Variants in ZGRF1 observed in about 807,000 individuals in gnomAD.
ZGRF1 encodes 5'-3' DNA helicase ZGRF1.
A neutral mutation model predicts 203.5 loss-of-function variants in ZGRF1; 196 were observed. That is an observed-to-expected ratio of 0.96 (90% CI 0.86 to 1.08). The LOEUF is 1.08. ZGRF1 is among the 50% of genes least tolerant of loss of function. The pLI, the probability that ZGRF1 is intolerant of heterozygous loss-of-function variation, is 0.00. For missense variants in ZGRF1, 2,326 were observed against 2,416.3 expected (o/e 0.96, Z 0.78); for synonymous variants, 809 against 841.3 (o/e 0.96, Z 0.66).
intron 16 of ZGRF1, among the ~76,000 whole-genome samples, chr4:112,569,573 G>A (rs1743834632): frequency 6.6e-6 from 1 of 152,080 alleles, no homozygotes; most frequent in South Asian, 2.1e-4. Context: ...AGAACCAAGG[G>A]ATGTGGGTGC....
intron 15 of ZGRF1, among the ~76,000 whole-genome samples, chr4:112,582,740 G>A (rs974293197): frequency 3.9e-4 from 60 of 152,264 alleles, no homozygotes; most frequent in African/African-American, 1.4e-3. Context: ...GATTACAGGC[G>A]TGAGATCATG....
At chr4:112,598,001 C>CA (rs1392784730) in intron 10 of ZGRF1, among the ~76,000 whole-genome samples, 1 of 151,734 alleles carries the variant, frequency 6.6e-6, no homozygotes, top group Non-Finnish European at 1.5e-5. Flanking sequence ...AAACCATTTT[C>CA]AACATGCAAA....
intron 16 of ZGRF1, 41 bp from the exon 17 acceptor site, chr4:112,563,315 C>A (rs182036970): frequency 2.8e-6 from 4 of 1,444,432 alleles, no homozygotes; most frequent in Non-Finnish European, 3.8e-6. Context: ...CAGACATATA[C>A]AGTATGGTTT....
intron 24 of ZGRF1, among the ~76,000 whole-genome samples, chr4:112,545,645 A>G (rs1308811441): frequency 6.6e-6 from 1 of 152,226 alleles, no homozygotes; most frequent in Non-Finnish European, 1.5e-5. Context: ...TATTGAACTG[A>G]AAGCAGGGAT....
Position 112,560,816 on chromosome 4 carries a change from A to G in ZGRF1, c.4877T>C (p.Ile1626Thr), listed in dbSNP as rs1412294143. ...TTCATGTGATGCCATCATTTGAGCTATTTGAATTAGAGCTGTAGCTTGATC... is the reference window on the plus strand; with the variant it reads ...TTCATGTGATGCCATCATTTGAGCTGTTTGAATTAGAGCTGTAGCTTGATC... ...NKDQATALIQ[I>T]AQMMASHESI... is the part of the protein sequence containing the mutation. Residue 1626 changes from isoleucine (I) to threonine (T), a missense_variant, in exon 19 of 28, where the codon ATA becomes ACA. By Grantham distance (89) the Ile-to-Thr change is moderately conservative. Coordinates refer to ENST00000505019, the MANE Select transcript of ZGRF1 (RefSeq NM_018392.5). 6.2e-7 allele frequency: 1 copy of G among 1,612,834 alleles called. No homozygotes were observed. The highest frequency in any genetic ancestry group is 1.3e-5 in the African/African-American group (1 of 74,934).
At chr4:112,625,359 G>A (rs187891662) in intron 3 of ZGRF1, among the ~76,000 whole-genome samples, 287 of 152,094 alleles carry the variant, frequency 1.9e-3, no homozygotes, top group Non-Finnish European at 2.4e-3. Context: ...GGCCGAGGCG[G>A]CGGATCACGA....
At chr4:112,544,884 G>T (rs1217989550) in intron 24 of ZGRF1, among the ~76,000 whole-genome samples, 1 of 152,112 alleles carries the variant, frequency 6.6e-6, no homozygotes, top group Non-Finnish European at 1.5e-5. Flanking sequence ...ACAATTACAT[G>T]GGAGAAAAGG....
chr4:112,583,052 T>G (rs1746547496), intron 15 of ZGRF1, among the ~76,000 whole-genome samples: 1 of 152,206 alleles, frequency 6.6e-6, no homozygotes, highest in Non-Finnish European at 1.5e-5. Flanking sequence ...TTTATTTTTT[T>G]GCGGAACCTC....
intron 3 of ZGRF1, among the ~76,000 whole-genome samples, chr4:112,626,658 A>T (rs1052579978): frequency 6.6e-6 from 1 of 152,178 alleles, no homozygotes; most frequent in African/African-American, 2.4e-5. Flanking sequence ...GAACAAATGA[A>T]TCCACTCCAA....
rs759600741 is a variant in ZGRF1 at position 112,586,521 on chromosome 4, G to A, written c.3840C>T (p.Pro1280=). The change falls in exon 13 of 28, where the codon CCC becomes CCT. Residue 1280 remains proline, a synonymous_variant. Transcript: ENST00000505019. ...SGQKIKSAYL[P]QRQIHIPAVF... Reference sequence around the variant, plus strand: ...CAGCTGGTATGTGAATTTGCCTTTGGGGAAGATAAGCAGATTTTATTTTCT... The same window carrying A: ...CAGCTGGTATGTGAATTTGCCTTTGAGGAAGATAAGCAGATTTTATTTTCT... 2 of 1,613,008 alleles carry A rather than the reference G, an allele frequency of 1.2e-6. No individual in the cohort carries two copies. The highest frequency in any genetic ancestry group is 1.7e-5 in the Admixed American group (1 of 59,906).
At chr4:112,550,149 G>A (rs1330562344) in intron 22 of ZGRF1, among the ~76,000 whole-genome samples, 22 of 151,578 alleles carry the variant, frequency 1.5e-4, no homozygotes, top group African/African-American at 2.9e-4. Context: ...CCAAGATCGC[G>A]CCACTGCACT....
intron 7 of ZGRF1, among the ~76,000 whole-genome samples, chr4:112,611,804 C>T (rs1212285004): frequency 2.0e-5 from 3 of 152,120 alleles, no homozygotes; most frequent in African/African-American, 7.2e-5. Flanking sequence ...GACATTGCAC[C>T]TTTGTGAAGC....
chr4:112,633,977 C>T (rs1051946031), intron 1 of ZGRF1, among the ~76,000 whole-genome samples: 1 of 152,096 alleles, frequency 6.6e-6, no homozygotes, highest in Non-Finnish European at 1.5e-5. Flanking sequence ...TTAAGAAGCC[C>T]TCCAAGTGAT....
intron 8 of ZGRF1, among the ~76,000 whole-genome samples, chr4:112,608,138 A>G (rs1216819497): frequency 6.6e-6 from 1 of 152,190 alleles, no homozygotes; most frequent in African/African-American, 2.4e-5. Flanking sequence ...GCTGGACTCT[A>G]TCTCAACTCA....
chr4:112,570,305 T>C (rs2148937019), intron 16 of ZGRF1, among the ~76,000 whole-genome samples: 1 of 152,308 alleles, frequency 6.6e-6, no homozygotes, highest in South Asian at 2.1e-4. Flanking sequence ...AAAACCTTAG[T>C]AGGCTAGTCG....
At position 112,554,685 on chromosome 4, in the gene ZGRF1, C is replaced by A. The variant is rs1334726974; in HGVS notation, c.5198+20G>T. ...CTTCCCTCTGACCATTCTGTGACTT[C>A]TGGAATTTTGCATTCTTACCTATAA... On this transcript the variant is annotated intron_variant, in intron 21 of 27. Coordinates refer to ENST00000505019, the MANE Select transcript of ZGRF1 (RefSeq NM_018392.5). 7.7e-7 allele frequency: 1 copy of A among 1,305,556 alleles called. No individual in the cohort carries two copies. The highest frequency in any genetic ancestry group is 2.0e-5 in the Admixed American group (1 of 50,074). 80.9% of individuals were successfully genotyped at this position (1,305,556 alleles called of 1,614,324 possible).
intron 1 of ZGRF1, among the ~76,000 whole-genome samples, chr4:112,635,545 A>G (rs1243299944): frequency 1.3e-5 from 2 of 151,602 alleles, no homozygotes. Flanking sequence ...CCAGCCTCCC[A>G]AAGTGCTATA....
chr4:112,589,702 A>G (rs747388349), intron 11 of ZGRF1, 22 bp downstream of exon 11: 1 of 1,606,288 alleles, frequency 6.2e-7, no homozygotes, highest in South Asian at 1.1e-5. Flanking sequence ...GACAGATATT[A>G]GAGCAATGTG....
intron 24 of ZGRF1, 130 bp downstream of exon 24, chr4:112,547,155 C>A: frequency 1.1e-6 from 1 of 929,276 alleles, no homozygotes; most frequent in East Asian, 2.7e-5. Context: ...ACTTACTTTC[C>A]AGACAACTCC....
Sources: gnomAD v4.1 joint callset for allele counts (sites outside exome capture counted in the v4.1 genomes callset) on GRCh38, gnomAD v4.1.1 for gene constraint, MANE v1.5 for transcripts, NCBI Gene and HGNC (gene_info 2026-07-23, HGNC 2026-07-21) for gene names.